KNDC1: variants seen among roughly 807,000 people sequenced by gnomAD.
KNDC1 encodes kinase non-catalytic C-lobe domain containing 1, also known as kinase non-catalytic C-lobe domain-containing protein 1.
A neutral mutation model predicts 172.8 loss-of-function variants in KNDC1; 106 were observed. The observed-to-expected ratio is 0.61, with a 90% CI of 0.52 to 0.72. KNDC1 has a LOEUF of 0.72. KNDC1 is among the 30% of genes least tolerant of loss of function. The pLI is 0.00. For synonymous variants in KNDC1, 1,083 were observed against 1,062.2 expected (o/e 1.02, Z -0.38); for missense variants, 2,325 against 2,394.5 (o/e 0.97, Z 0.61).
chr10:133,222,441 C>T (rs1419947355), intron 29 of KNDC1, among the ~76,000 whole-genome samples: 3 of 104,798 alleles, frequency 2.9e-5, no homozygotes, highest in Non-Finnish European at 4.1e-5. Flanking sequence ...GCATGCTCTT[C>T]CCGGCGTGTG....
At chr10:133,172,211 C>T (rs1460248560) in intron 3 of KNDC1, among the ~76,000 whole-genome samples, 1 of 152,194 alleles carries the variant, frequency 6.6e-6, no homozygotes, top group Non-Finnish European at 1.5e-5. Context: ...AAAAAGAGCG[C>T]TTTTCACCTT....
chr10:133,212,189 C>G (rs904903567), intron 23 of KNDC1, among the ~76,000 whole-genome samples: 17 of 151,744 alleles, frequency 1.1e-4, no homozygotes, highest in Admixed American at 1.1e-3. Context: ...CATATCCACA[C>G]CTACACGTGT....
At chr10:133,179,425 CT>C (rs1206583586) in intron 3 of KNDC1, 2 of 152,234 alleles carry the variant, frequency 1.3e-5, no homozygotes, top group African/African-American at 2.4e-5. Flanking sequence ...ACTGGAATTG[CT>C]TCCCAGGGCC....
At chr10:133,206,158 C>T (rs894970221) in intron 17 of KNDC1, among the ~76,000 whole-genome samples, 2 of 152,208 alleles carry the variant, frequency 1.3e-5, no homozygotes, top group African/African-American at 2.4e-5. Flanking sequence ...TGAGATGGTG[C>T]CATTGCACTC....
intron 4 of KNDC1, 94 bp downstream of exon 4, chr10:133,183,584 A>G: frequency 7.3e-7 from 1 of 1,368,944 alleles, no homozygotes. Context: ...CAGCAGCCTC[A>G]CCTGGGTTCC....
chr10:133,212,429 C>A (rs1845387650), intron 23 of KNDC1, among the ~76,000 whole-genome samples: 1 of 152,244 alleles, frequency 6.6e-6, no homozygotes, highest in South Asian at 2.1e-4. Context: ...GACTCATTGA[C>A]CCACGGGCCA....
chr10:133,189,358 C>A (rs1854015516), intron 7 of KNDC1, among the ~76,000 whole-genome samples: 1 of 152,216 alleles, frequency 6.6e-6, no homozygotes. Context: ...CGCAGATATG[C>A]CGCTGCAGCC....
At chr10:133,216,936 G>C (rs11101646) in intron 26 of KNDC1, among the ~76,000 whole-genome samples, 14 of 152,180 alleles carry the variant, frequency 9.2e-5, no homozygotes, top group African/African-American at 2.4e-4. Context: ...CGCGAAGCAC[G>C]GACAGTGGAC....
rs112963764 is a variant in KNDC1, at chr10:133,213,375, G to A, written c.4444-270G>A. Among the ~76,000 whole-genome samples the A allele has an allele frequency of 2.6e-3, 391 of 152,292 alleles. 2 individuals are homozygous for A. Among genetic ancestry groups the A allele is most frequent in the African/African-American group, 8.5e-3 (353 of 41,566 alleles). On this transcript the variant is annotated intron_variant, in intron 24 of 29. Transcript: ENST00000304613. ...CCTCTTCCCAGGTCCCTGCCATCCC[G>A]GGAGCCCACATCATGTAGCAGGTGA... is the stretch of plus-strand genomic sequence containing the variant.
At chr10:133,205,971 C>T (rs1012329803) in intron 17 of KNDC1, among the ~76,000 whole-genome samples, 12 of 152,200 alleles carry the variant, frequency 7.9e-5, no homozygotes, top group African/African-American at 2.2e-4. Flanking sequence ...GAGGCCGAGG[C>T]GGGCAGATCA....
chr10:133,192,543 T>C (rs1227234621), intron 9 of KNDC1, among the ~76,000 whole-genome samples: 6 of 152,068 alleles, frequency 3.9e-5, no homozygotes, highest in Admixed American at 3.3e-4. Flanking sequence ...CATTGGGCAA[T>C]TGCAAACACG....
chr10:133,222,375 G>A (rs1845616380), intron 29 of KNDC1, among the ~76,000 whole-genome samples: 3 of 152,184 alleles, frequency 2.0e-5, no homozygotes, highest in South Asian at 2.1e-4. Context: ...GTGCGTATGT[G>A]AGCGCCTCCA....
chr10:133,207,812 C>T (rs955154416), intron 20 of KNDC1, among the ~76,000 whole-genome samples: 15 of 152,230 alleles, frequency 9.9e-5, no homozygotes, highest in Admixed American at 8.5e-4. Flanking sequence ...GATCCGTAAA[C>T]GCTGGTGTGC....
rs1306258385 is a variant in KNDC1 at position 133,163,301 on chromosome 10, G to T, written c.102+2732G>T. 6.6e-6 allele frequency among the ~76,000 whole-genome samples: 1 copy of T among 152,320 alleles called. No homozygotes were observed. The highest frequency in any genetic ancestry group is 1.5e-5 in the Non-Finnish European group (1 of 68,020). ...GCACTATCATCCCTCCCAGAGTTCA[G>T]CAACTGCCTCCCAGAACCTCCTGTG... On this transcript the variant is annotated intron_variant, in intron 1 of 29. Coordinates refer to ENST00000304613, the MANE Select transcript of KNDC1 (RefSeq NM_152643.8). This position sits in a 1 kb window ranked among gnomAD's most constrained non-coding sequence, Gnocchi z 4.4.
intron 29 of KNDC1, 77 bp downstream of exon 29, chr10:133,220,189 T>C: frequency 9.3e-7 from 1 of 1,071,456 alleles, no homozygotes; most frequent in East Asian, 3.5e-5. Flanking sequence ...GAGGAGGGGC[T>C]CAGGCGGCCG....
intron 1 of KNDC1, among the ~76,000 whole-genome samples, chr10:133,162,294 C>T (rs1464362027): frequency 2.6e-5 from 2 of 76,338 alleles, no homozygotes; most frequent in Non-Finnish European, 5.2e-5. Context: ...CTGAAATCTC[C>T]ATCGGGGCAC....
intron 5 of KNDC1, among the ~76,000 whole-genome samples, chr10:133,184,562 C>T (rs4838671): frequency 0.39 from 59,100 of 152,230 alleles, 13,301 homozygotes; most frequent in South Asian, 0.65. Context: ...CCTGTTCACA[C>T]TGCACACGCC....
chr10:133,167,042 C>A (rs566648366), intron 1 of KNDC1: 3 of 386,220 alleles, frequency 7.8e-6, no homozygotes, highest in Admixed American at 7.7e-5. Context: ...CAGGCCAGTC[C>A]AGCCGTGAGC....
chr10:133,195,047 C>T (rs1014478798), intron 9 of KNDC1, among the ~76,000 whole-genome samples: 1 of 152,154 alleles, frequency 6.6e-6, no homozygotes, highest in Admixed American at 6.5e-5. Flanking sequence ...CAGCAGCACT[C>T]GTGTATTGTG....
Sources: gnomAD v4.1 joint callset for allele counts (sites outside exome capture counted in the v4.1 genomes callset) on GRCh38, gnomAD v4.1.1 for gene constraint, Gnocchi (gnomAD v3.1) non-coding constraint, MANE v1.5 for transcripts, NCBI Gene and HGNC (gene_info 2026-07-23, HGNC 2026-07-21) for gene names.